CT45A10: variants seen among roughly 807,000 people sequenced by gnomAD.
CT45A10 encodes the protein cancer/testis antigen family 45 member A10.
A neutral mutation model predicts 8.3 loss-of-function variants in CT45A10; 19 were observed. The observed-to-expected ratio is 2.30, with a 90% CI of 1.61 to 3.38. CT45A10 has a LOEUF of 3.38. Among genes scored for constraint, CT45A10 ranks in the 30% most tolerant of loss-of-function variants. The probability of loss-of-function intolerance (pLI) is 0.00; values close to 1 mark genes in which losing one functional copy is unlikely to be tolerated. For missense variants in CT45A10, 149 were observed against 85.9 expected (o/e 1.73, Z -2.90); for synonymous variants, 28 against 26.5 (o/e 1.06, Z -0.17).
Position 135,883,022 on chromosome X carries a change from CG to C in CT45A10, c.403del (p.Arg135AspfsTer39), listed in dbSNP as rs1169509915. On this transcript the variant is annotated frameshift_variant, in exon 3 of 5. Coordinates refer to ENST00000682849, the MANE Select transcript of CT45A10 (RefSeq NM_001291529.2). LOFTEE classifies it high-confidence loss of function. ...ACACTACTTACTTCGTCCAAGGCAT[CG>C]GATTTCCTTCACTACTTGACATTTT... ...DIKCQVVKEI[R>X]CLGRKYEKIF... 7.5e-6 allele frequency: 9 copies of C among 1,198,342 alleles called. No homozygotes were observed. The highest frequency in any genetic ancestry group is 1.0e-5 in the Non-Finnish European group (9 of 885,492).
At chrX:135,890,175 C>T (rs1193509155) in intron 1 of CT45A10, among the ~76,000 whole-genome samples, 1 of 112,409 alleles carries the variant, frequency 8.9e-6, no homozygotes, top group Non-Finnish European at 1.9e-5. Context: ...AAACCACTTC[C>T]TTCTTTAATC....
intron 1 of CT45A10, among the ~76,000 whole-genome samples, chrX:135,891,078 G>A (rs2088495929): frequency 9.0e-6 from 1 of 110,816 alleles, no homozygotes; most frequent in Non-Finnish European, 1.9e-5. Context: ...ATAAATGCAG[G>A]GAAAATACAA....
chrX:135,883,400 G>T, intron 2 of CT45A10, 144 bp from the exon 3 acceptor site: 2 of 1,031,356 alleles, frequency 1.9e-6, no homozygotes, highest in Non-Finnish European at 2.6e-6. Context: ...CACCCCTCTG[G>T]GTACATCTAT....
chrX:135,891,535 T>G (rs2088499366), intron 1 of CT45A10, among the ~76,000 whole-genome samples: 1 of 109,809 alleles, frequency 9.1e-6, no homozygotes, highest in African/African-American at 3.3e-5. Flanking sequence ...AAGCTGAATA[T>G]GCATATCATA....
intron 1 of CT45A10, among the ~76,000 whole-genome samples, chrX:135,889,502 A>G (rs1444321330): frequency 9.1e-6 from 1 of 110,253 alleles, no homozygotes; most frequent in Non-Finnish European, 1.9e-5. Flanking sequence ...GAAAGAAAGA[A>G]AAAGAAGCAA....
At chrX:135,889,883 C>T (rs2088483871) in intron 1 of CT45A10, among the ~76,000 whole-genome samples, 2 of 110,834 alleles carry the variant, frequency 1.8e-5, no homozygotes, top group African/African-American at 6.6e-5. Flanking sequence ...CACCACCACC[C>T]GGCCCTAGGA....
Position 135,883,359 on chromosome X carries a change from G to A in CT45A10, c.170-103C>T. ...ATGACAGATCTGGAAATCAAACTGAGAAGTTGAGCTGTGAGATACGTGTGT... is the reference window on the plus strand; with the variant it reads ...ATGACAGATCTGGAAATCAAACTGAAAAGTTGAGCTGTGAGATACGTGTGT... On this transcript the variant is annotated intron_variant, in intron 2 of 4. Coordinates refer to ENST00000682849, the MANE Select transcript of CT45A10 (RefSeq NM_001291529.2). 3.4e-6 allele frequency: 4 copies of A among 1,177,849 alleles called. 1 individual carries two copies. Among genetic ancestry groups the A allele is most frequent in the Non-Finnish European group, 4.6e-6 (4 of 876,355 alleles).
chrX:135,889,945 T>G (rs781811836), intron 1 of CT45A10, among the ~76,000 whole-genome samples: 17 of 111,975 alleles, frequency 1.5e-4, no homozygotes, highest in Non-Finnish European at 3.2e-4. Context: ...ACTTGTGTTA[T>G]CTCTAAATTC....
chrX:135,888,160 A>G (rs1356050674), intron 1 of CT45A10, among the ~76,000 whole-genome samples: 7 of 113,620 alleles, frequency 6.2e-5, no homozygotes, highest in African/African-American at 2.2e-4. Context: ...GGGAGAGAGC[A>G]CCTACAGATA....
rs191585333 is a variant in CT45A10, at chrX:135,893,352, G to A, written c.-14C>T. On this transcript the variant is annotated 5_prime_UTR_variant, in exon 1 of 5. Coordinates refer to ENST00000682849, the MANE Select transcript of CT45A10 (RefSeq NM_001291529.2). ...CAGTCCTGAAGTCCTGACCTTGCCG[G>A]AGGAGGGGCGGCAGCACCTCACAAA... 9.9e-4 allele frequency among the ~76,000 whole-genome samples: 112 copies of A among 112,768 alleles called. No homozygotes were observed. Among genetic ancestry groups the A allele is most frequent in the African/African-American group, 3.5e-3 (108 of 31,129 alleles).
chrX:135,892,439 G>A (rs17330794), intron 1 of CT45A10, among the ~76,000 whole-genome samples: 5,831 of 111,484 alleles, frequency 0.052, 134 homozygotes, highest in South Asian at 0.089. Context: ...TCTGGACCCC[G>A]ATTCCTGCAC....
intron 1 of CT45A10, among the ~76,000 whole-genome samples, chrX:135,892,206 C>T (rs1172645006): frequency 9.0e-6 from 1 of 110,930 alleles, no homozygotes; most frequent in Non-Finnish European, 1.9e-5. Context: ...CTTGTAGTCC[C>T]AGCTACTGAG....
At chrX:135,889,681 C>G (rs2088480835) in intron 1 of CT45A10, among the ~76,000 whole-genome samples, 1 of 109,817 alleles carries the variant, frequency 9.1e-6, no homozygotes. Context: ...TGAATCCCGT[C>G]TCTACTAAAA....
chrX:135,882,920 G>C (rs1444980723), intron 3 of CT45A10, 88 bp downstream of exon 3: 16 of 1,076,755 alleles, frequency 1.5e-5, no homozygotes, highest in Non-Finnish European at 2.0e-5. Flanking sequence ...CAAAGAATGA[G>C]CCTCAAGAGG....
rs782537114 is a variant in CT45A10 at position 135,892,502 on chromosome X, C to T, written c.-7+843G>A. Among the ~76,000 whole-genome samples, 16 of 111,159 alleles carry T rather than the reference C, an allele frequency of 1.4e-4. No homozygotes were observed. The South Asian group carries it at 3.0e-3, about 21-fold the overall frequency. On this transcript the variant is annotated intron_variant, in intron 1 of 4. Coordinates refer to ENST00000682849, the MANE Select transcript of CT45A10 (RefSeq NM_001291529.2). ...CAGATAGAATCCCAGGGAAGAGCTC[C>T]CTCAGGACTGAGAACCAACCAAGGA...
rs10684169 is a variant in CT45A10 at position 135,889,830 on chromosome X, GAA to G, written c.-7+3513_-7+3514del. Among the ~76,000 whole-genome samples, 123 of 96,328 alleles carry G rather than the reference GAA, an allele frequency of 1.3e-3. 1 individual carries two copies. Among genetic ancestry groups the G allele is most frequent in the Middle Eastern group, 5.2e-3 (1 of 192 alleles). The allele number at this position is 96,328 out of a possible 115,157, so 83.6% of individuals were successfully genotyped here. On this transcript the variant is annotated intron_variant, in intron 1 of 4. Coordinates refer to ENST00000682849, the MANE Select transcript of CT45A10 (RefSeq NM_001291529.2). ...AGGAAAGAAAGAAAGCAAAAAGTTG[GAA>G]AAAAAAAAAAAAAGTAAAATAAATA...
intron 2 of CT45A10, among the ~76,000 whole-genome samples, chrX:135,883,783 G>A (rs2088418111): frequency 3.2e-5 from 2 of 62,417 alleles, no homozygotes; most frequent in South Asian, 1.9e-3. Context: ...GAAAATAGAG[G>A]CGGCCATTAC....
chrX:135,883,221 A>G lies in CT45A10; in HGVS notation c.205T>C (p.Leu69=), dbSNP rs1270673803. ...GTGAAGTCATCAATCTGAGAATCCA[A>G]TTGGCTGGGTGGAATAGCATGTCCT... The part of the protein sequence containing the change: ...MTGHAIPPSQ[L]DSQIDDFTGF... Residue 69 remains leucine (L), a synonymous_variant, in exon 3 of 5, where the codon TTG becomes CTG. Coordinates refer to ENST00000682849, the MANE Select transcript of CT45A10 (RefSeq NM_001291529.2). 5.4e-5 allele frequency: 65 copies of G among 1,195,544 alleles called. No homozygotes were observed. The highest frequency in any genetic ancestry group is 1.6e-4 in the South Asian group (9 of 55,772).
At chrX:135,891,396 G>A (rs1277327075) in intron 1 of CT45A10, among the ~76,000 whole-genome samples, 1 of 106,809 alleles carries the variant, frequency 9.4e-6, no homozygotes, top group Non-Finnish European at 1.9e-5. Context: ...AATATATATA[G>A]TATATATAAT....
Sources: allele counts gnomAD v4.1 joint callset (sites outside exome capture counted in the v4.1 genomes callset), GRCh38; gene constraint gnomAD v4.1.1; transcripts MANE v1.5; gene names NCBI Gene and HGNC (gene_info 2026-07-23, HGNC 2026-07-21).